IQCJ: variants seen among roughly 807,000 people sequenced by gnomAD.
The protein encoded by IQCJ is IQ motif containing J.
A neutral mutation model predicts 11.0 loss-of-function variants in IQCJ; 9 were observed. The ratio of observed to expected loss-of-function variants is 0.82; its 90% CI spans 0.49 to 1.43. The LOEUF is 1.43. Among genes scored for constraint, IQCJ ranks in the 40% most tolerant of loss-of-function variants. The pLI, the probability that IQCJ is intolerant of heterozygous loss-of-function variation, is 0.00. For missense variants in IQCJ, 146 were observed against 133.2 expected, an observed-to-expected ratio of 1.10 and a Z score of -0.47; for synonymous variants, 55 against 51.3, an observed-to-expected ratio of 1.07 and a Z score of -0.31.
In IQCJ at chr3:159,262,704, T is replaced by C. The variant is rs745684810; in HGVS notation, c.312T>C (p.Phe104=). ...SSTPVSVMFL[F]LCPDLTFN ...CACCCGTGAGTGTCATGTTTCTTTT[T>C]CTATGTCCTGACTTGACATTCAACT... The change falls in exon 4 of 4, where the codon TTT becomes TTC. Residue 104 remains phenylalanine (F), a synonymous_variant. Coordinates refer to ENST00000397832, the MANE Select transcript of IQCJ (RefSeq NM_001042706.3). 17 of 1,613,882 alleles carry C rather than the reference T, an allele frequency of 1.1e-5. No individual in the cohort carries two copies. The highest frequency in any genetic ancestry group is 1.4e-5 in the Non-Finnish European group (16 of 1,179,794).
chr3:159,205,167 A>G (rs1297925638), intron 1 of IQCJ, among the ~76,000 whole-genome samples: 1 of 152,188 alleles, frequency 6.6e-6, no homozygotes, highest in Non-Finnish European at 1.5e-5. Flanking sequence ...TCTGAAAACT[A>G]CCCTCAGGTT....
At chr3:159,094,547 C>A (rs567184728) in intron 1 of IQCJ, among the ~76,000 whole-genome samples, 1 of 150,456 alleles carries the variant, frequency 6.6e-6, no homozygotes, top group East Asian at 2.0e-4. Context: ...TCAGACCCTA[C>A]CTTACACGAT....
intron 1 of IQCJ, among the ~76,000 whole-genome samples, chr3:159,166,422 T>C (rs1722169520): frequency 6.6e-6 from 1 of 152,172 alleles, no homozygotes; most frequent in Non-Finnish European, 1.5e-5. Flanking sequence ...TCCATTGACA[T>C]GAGAATTCTT....
At chr3:159,131,545 G>A (rs1359204768) in intron 1 of IQCJ, among the ~76,000 whole-genome samples, 1 of 152,118 alleles carries the variant, frequency 6.6e-6, no homozygotes, top group East Asian at 1.9e-4. Context: ...TCAGTCTCCA[G>A]GATAAACCCT....
chr3:159,253,299 A>G (rs1173320952), intron 3 of IQCJ, among the ~76,000 whole-genome samples: 1 of 152,174 alleles, frequency 6.6e-6, no homozygotes, highest in East Asian at 1.9e-4. Flanking sequence ...CTGTTAAGAT[A>G]CCCAAATGTA....
At chr3:159,195,455 T>C (rs945273679) in intron 1 of IQCJ, among the ~76,000 whole-genome samples, 1 of 152,228 alleles carries the variant, frequency 6.6e-6, no homozygotes, top group African/African-American at 2.4e-5. Context: ...AGTGGTAGCC[T>C]TTAACAGGGA....
chr3:159,135,782 C>G (rs1720255357), intron 1 of IQCJ, among the ~76,000 whole-genome samples: 1 of 152,180 alleles, frequency 6.6e-6, no homozygotes, highest in African/African-American at 2.4e-5. Flanking sequence ...GAAGGGGAAA[C>G]TTAGCAGCAG....
At chr3:159,253,282 T>C (rs545995483) in intron 3 of IQCJ, among the ~76,000 whole-genome samples, 4 of 152,230 alleles carry the variant, frequency 2.6e-5, no homozygotes, top group Admixed American at 2.6e-4. Flanking sequence ...CCTTTTCTTC[T>C]TATTGTCTGT....
At chr3:159,090,563 G>C (rs1416847699) in intron 1 of IQCJ, among the ~76,000 whole-genome samples, 2 of 151,706 alleles carry the variant, frequency 1.3e-5, no homozygotes, top group African/African-American at 4.9e-5. Flanking sequence ...AGGGAAGTCA[G>C]ACTTGTTCAG....
intron 1 of IQCJ, among the ~76,000 whole-genome samples, chr3:159,094,448 T>TTA (rs1553775447): frequency 9.6e-6 from 1 of 104,352 alleles, no homozygotes; most frequent in South Asian, 2.8e-4. Flanking sequence ...TTTTTTTTTT[T>TTA]ACTATTGGAA....
chr3:159,160,131 A>G (rs1402006312), intron 1 of IQCJ, among the ~76,000 whole-genome samples: 2 of 151,960 alleles, frequency 1.3e-5, no homozygotes, highest in African/African-American at 4.8e-5. Context: ...TGTATTTTCT[A>G]TTTTCCTTTC....
chr3:159,157,739 A>G lies in IQCJ; in HGVS notation c.10-88104A>G, dbSNP rs146692469. Among the ~76,000 whole-genome samples the G allele has an allele frequency of 4.6e-3, 701 of 152,348 alleles. 6 individuals carry two copies. The highest frequency in any genetic ancestry group is 0.013 in the African/African-American group (540 of 41,584). ...CTATTATTAGAATAATTTCTCATATATCCTTCCACTTTATGCACATACAAA... is the reference window on the plus strand; with the variant it reads ...CTATTATTAGAATAATTTCTCATATGTCCTTCCACTTTATGCACATACAAA... On this transcript the variant is annotated intron_variant, in intron 1 of 3. Transcript: ENST00000397832.
chr3:159,246,496 T>C (rs1727279543), intron 2 of IQCJ, among the ~76,000 whole-genome samples: 1 of 152,210 alleles, frequency 6.6e-6, no homozygotes, highest in African/African-American at 2.4e-5. Flanking sequence ...ACTCCATGTA[T>C]ACTCAGCTAG....
At chr3:159,092,960 A>G (rs988236069) in intron 1 of IQCJ, among the ~76,000 whole-genome samples, 4 of 151,744 alleles carry the variant, frequency 2.6e-5, no homozygotes, top group Non-Finnish European at 5.9e-5. Flanking sequence ...AAATTGGTTT[A>G]GACTGTTAAT....
At chr3:159,238,270 G>A (rs1351791551) in intron 1 of IQCJ, among the ~76,000 whole-genome samples, 2 of 152,156 alleles carry the variant, frequency 1.3e-5, no homozygotes, top group Non-Finnish European at 2.9e-5. Context: ...CTGGGCTCAT[G>A]CCAGTGCCTC....
At chr3:159,197,080 T>A (rs1724032069) in intron 1 of IQCJ, among the ~76,000 whole-genome samples, 1 of 152,136 alleles carries the variant, frequency 6.6e-6, no homozygotes, top group African/African-American at 2.4e-5. Flanking sequence ...GATCCTGAAT[T>A]CTTCTACTTC....
intron 1 of IQCJ, among the ~76,000 whole-genome samples, chr3:159,110,473 C>T (rs1718555471): frequency 6.6e-6 from 1 of 152,136 alleles, no homozygotes; most frequent in Non-Finnish European, 1.5e-5. Context: ...TAAATAATGT[C>T]ATTTCCTACA....
At chr3:159,210,910 G>A (rs1428294558) in intron 1 of IQCJ, among the ~76,000 whole-genome samples, 1 of 148,612 alleles carries the variant, frequency 6.7e-6, no homozygotes, top group African/African-American at 2.4e-5. Flanking sequence ...GACCTCAGGT[G>A]ATCCGCCCAC....
intron 1 of IQCJ, among the ~76,000 whole-genome samples, chr3:159,227,285 A>G (rs1184329042): frequency 6.6e-6 from 1 of 152,248 alleles, no homozygotes; most frequent in Non-Finnish European, 1.5e-5. Context: ...TGCAATTATC[A>G]TAAATTATTT....
Sources: gnomAD v4.1 joint callset for allele counts (sites outside exome capture counted in the v4.1 genomes callset) on GRCh38, gnomAD v4.1.1 for gene constraint, MANE v1.5 for transcripts, NCBI Gene and HGNC (gene_info 2026-07-23, HGNC 2026-07-21) for gene names.